SLC24A3: variants seen among roughly 807,000 people sequenced by gnomAD.
SLC24A3 encodes the protein sodium/potassium/calcium exchanger 3.
A neutral mutation model predicts 75.8 loss-of-function variants in SLC24A3; 28 were observed. That is an observed-to-expected ratio of 0.37 (90% CI 0.27 to 0.51). The LOEUF (loss-of-function observed/expected upper bound fraction) is 0.51, where lower values mean the gene tolerates loss of function less well. Ranked by LOEUF, SLC24A3 falls within the 20% of genes least tolerant of loss-of-function variation. The pLI, the probability that SLC24A3 is intolerant of heterozygous loss-of-function variation, is 0.94. For synonymous variants in SLC24A3, 372 were observed against 334.1 expected (o/e 1.11, Z -1.24); for missense variants, 663 against 847.8 (o/e 0.78, Z 2.71).
At chr20:19,304,257 C>A (rs187515768) in intron 2 of SLC24A3, among the ~76,000 whole-genome samples, 27 of 152,272 alleles carry the variant, frequency 1.8e-4, no homozygotes, top group Admixed American at 1.7e-3. Flanking sequence ...TTTCCCTTTT[C>A]TAGGGATGGG....
chr20:19,536,410 G>C (rs1356564314), intron 3 of SLC24A3, among the ~76,000 whole-genome samples: 1 of 152,122 alleles, frequency 6.6e-6, no homozygotes, highest in African/African-American at 2.4e-5. Flanking sequence ...GGGCAGGTCT[G>C]GGTTGGATGC....
intron 1 of SLC24A3, among the ~76,000 whole-genome samples, chr20:19,262,429 AAGAG>A (rs1273937676): frequency 4.6e-5 from 7 of 151,240 alleles, no homozygotes; most frequent in South Asian, 2.1e-4. Flanking sequence ...AAAAAAAAGA[AAGAG>A]AGAGAAATAG....
At chr20:19,270,577 A>T (rs182290358) in intron 1 of SLC24A3, among the ~76,000 whole-genome samples, 13 of 152,250 alleles carry the variant, frequency 8.5e-5, no homozygotes, top group Admixed American at 7.8e-4. Context: ...AGGGCTAAAG[A>T]GCTCACTAGG....
At chr20:19,292,794 T>C (rs1437339355) in intron 2 of SLC24A3, among the ~76,000 whole-genome samples, 3 of 152,214 alleles carry the variant, frequency 2.0e-5, no homozygotes, top group Admixed American at 6.5e-5. Flanking sequence ...GACAGAAATT[T>C]ATTTCTTACA....
intron 2 of SLC24A3, among the ~76,000 whole-genome samples, chr20:19,341,396 A>T (rs866775854): frequency 2.0e-5 from 3 of 152,290 alleles, no homozygotes; most frequent in South Asian, 4.1e-4. Flanking sequence ...AGGTCATCTG[A>T]GGATCACGTA....
In SLC24A3 at chr20:19,545,063, C is replaced by T. The variant is rs577877450; in HGVS notation, c.348+29499C>T. Among the ~76,000 whole-genome samples, 16 of 152,244 alleles carry T rather than the reference C, an allele frequency of 1.1e-4. No homozygotes were observed. In the South Asian group the frequency reaches 2.7e-3, roughly 26 times the overall value. The stretch of plus-strand genomic sequence containing the variant: ...AAGATTTAGTAGAAGATAGATCACA[C>T]GGGGTTTAAAAACAATGCAGCTCTA... On this transcript the variant is annotated intron_variant, in intron 3 of 16. Transcript: ENST00000328041.
chr20:19,316,820 C>CT (rs1191781998), intron 2 of SLC24A3, among the ~76,000 whole-genome samples: 1 of 152,112 alleles, frequency 6.6e-6, no homozygotes, highest in Non-Finnish European at 1.5e-5. Flanking sequence ...CTCTTGATTT[C>CT]TTTTTTTAAA....
intron 2 of SLC24A3, among the ~76,000 whole-genome samples, chr20:19,424,461 G>A (rs988013825): frequency 2.0e-5 from 3 of 151,652 alleles, no homozygotes; most frequent in Admixed American, 6.6e-5. Flanking sequence ...AGGCTGAGGC[G>A]GGTGAATCAT....
intron 7 of SLC24A3, among the ~76,000 whole-genome samples, chr20:19,665,242 A>G (rs2032383976): frequency 6.6e-6 from 1 of 152,240 alleles, no homozygotes; most frequent in South Asian, 2.1e-4. Context: ...AACAGTGTCC[A>G]GATGGGATTT....
chr20:19,400,716 A>T (rs1986537159), intron 2 of SLC24A3, among the ~76,000 whole-genome samples: 1 of 152,144 alleles, frequency 6.6e-6, no homozygotes, highest in African/African-American at 2.4e-5. Context: ...GAATCCTGCC[A>T]GTCTGCTTCT....
intron 3 of SLC24A3, among the ~76,000 whole-genome samples, chr20:19,528,966 C>A (rs1484915978): frequency 6.6e-6 from 1 of 152,102 alleles, no homozygotes; most frequent in Admixed American, 6.5e-5. Flanking sequence ...CCATTACTCT[C>A]CTTTTTAGAG....
At chr20:19,639,081 T>C (rs540685283) in intron 6 of SLC24A3, among the ~76,000 whole-genome samples, 7 of 152,274 alleles carry the variant, frequency 4.6e-5, no homozygotes, top group African/African-American at 1.7e-4. Flanking sequence ...TCCTGCTGAT[T>C]GGTAGAGCCC....
At chr20:19,501,255 T>C (rs1232201222) in intron 2 of SLC24A3, among the ~76,000 whole-genome samples, 1 of 152,166 alleles carries the variant, frequency 6.6e-6, no homozygotes, top group Non-Finnish European at 1.5e-5. Flanking sequence ...ATTATGGTAT[T>C]TATCATTTTC....
chr20:19,428,662 G>A (rs1263783149), intron 2 of SLC24A3, among the ~76,000 whole-genome samples: 5 of 152,154 alleles, frequency 3.3e-5, no homozygotes, highest in African/African-American at 1.2e-4. Flanking sequence ...CCTCATCGGG[G>A]AGGCAGAAGA....
intron 2 of SLC24A3, among the ~76,000 whole-genome samples, chr20:19,315,515 G>A (rs1407989385): frequency 1.3e-5 from 1 of 77,004 alleles, no homozygotes; most frequent in Admixed American, 1.4e-4. Context: ...AAGCTAAGTG[G>A]GTTATATGGC....
chr20:19,239,120 TA>T (rs11480954), intron 1 of SLC24A3, among the ~76,000 whole-genome samples: 224 of 141,074 alleles, frequency 1.6e-3, no homozygotes, highest in Middle Eastern at 7.5e-3. Flanking sequence ...AAGCTTATTT[TA>T]AAAAAAAAAA....
At chr20:19,448,941 G>T (rs1987434670) in intron 2 of SLC24A3, among the ~76,000 whole-genome samples, 1 of 152,218 alleles carries the variant, frequency 6.6e-6, no homozygotes, top group South Asian at 2.1e-4. Context: ...TTGTGGGCAG[G>T]GAAAGTGCAA....
chr20:19,593,447 C>G (rs1452960493), intron 6 of SLC24A3, among the ~76,000 whole-genome samples: 1 of 152,210 alleles, frequency 6.6e-6, no homozygotes. Context: ...ATTTATGCTT[C>G]CCTTTAACAA....
chr20:19,213,078 C>G (rs1047902584), intron 1 of SLC24A3, 94 bp downstream of exon 1: 1 of 1,128,928 alleles, frequency 8.9e-7, no homozygotes, highest in Non-Finnish European at 1.1e-6. Context: ...GCGGCCCGGC[C>G]GGAGCCCCAG....
Sources: gnomAD v4.1 joint callset for allele counts (sites outside exome capture counted in the v4.1 genomes callset) on GRCh38, gnomAD v4.1.1 for gene constraint, MANE v1.5 for transcripts, NCBI Gene and HGNC (gene_info 2026-07-23, HGNC 2026-07-21) for gene names.